NINJ2: variants seen among roughly 807,000 people sequenced by gnomAD.
NINJ2 encodes ninjurin-2.
In NINJ2, 12 loss-of-function variants were observed where a neutral mutation model predicts 11.7. The observed-to-expected ratio is 1.02, with a 90% CI of 0.66 to 1.66. The LOEUF is 1.66. NINJ2 is among the 40% of genes most tolerant of loss of function. The pLI, the probability that NINJ2 is intolerant of heterozygous loss-of-function variation, is 0.00. For missense variants in NINJ2, 187 were observed against 181.8 expected (o/e 1.03, Z -0.16); for synonymous variants, 93 against 76.8 (o/e 1.21, Z -1.10).
intron 1 of NINJ2, among the ~76,000 whole-genome samples, chr12:574,329 AAATAAT>A (rs934238213): frequency 6.6e-6 from 1 of 152,198 alleles, no homozygotes; most frequent in Non-Finnish European, 1.5e-5. Context: ...ATCTCAAAAA[AAATAAT>A]AATAATAACA....
intron 1 of NINJ2, among the ~76,000 whole-genome samples, chr12:623,428 G>A (rs571172090): frequency 6.6e-6 from 1 of 152,328 alleles, no homozygotes; most frequent in Admixed American, 6.5e-5. Context: ...TGCCCTGTCT[G>A]TTAGTGCTGT....
chr12:632,332 C>T (rs1269768826), intron 1 of NINJ2: 1 of 152,236 alleles, frequency 6.6e-6, no homozygotes, highest in Non-Finnish European at 1.5e-5. Flanking sequence ...GAAAACCAAA[C>T]ACGGTAGCCG....
chr12:613,672 G>A (rs572260921), intron 1 of NINJ2, among the ~76,000 whole-genome samples: 23 of 152,310 alleles, frequency 1.5e-4, no homozygotes, highest in Admixed American at 1.3e-4. Flanking sequence ...TTGGGAGGCT[G>A]AGGCGGGCAG....
chr12:629,896 A>AAAAAAAAAAAAAAAT, intron 1 of NINJ2, among the ~76,000 whole-genome samples: 16 of 9,896 alleles, frequency 1.6e-3, no homozygotes, highest in African/African-American at 1.9e-3. Flanking sequence ...AAAAAAAAAA[A>AAAAAAAAAAAAAAAT]ATATATATAT....
At chr12:625,084 AAG>A (rs902028515) in intron 1 of NINJ2, among the ~76,000 whole-genome samples, 1 of 148,188 alleles carries the variant, frequency 6.7e-6, no homozygotes, top group African/African-American at 2.5e-5. Flanking sequence ...CCTGGGCAAC[AAG>A]AGAGAGACTT....
intron 1 of NINJ2, among the ~76,000 whole-genome samples, chr12:602,012 C>T (rs947821013): frequency 1.1e-4 from 17 of 152,120 alleles, no homozygotes; most frequent in African/African-American, 3.1e-4. Context: ...AGTAGCAATC[C>T]CTTAATTAAA....
chr12:637,078 C>T (rs994939478), intron 1 of NINJ2, among the ~76,000 whole-genome samples: 15 of 152,226 alleles, frequency 9.9e-5, no homozygotes, highest in African/African-American at 3.4e-4. Flanking sequence ...TGGCCAGGCA[C>T]AGTGGCTCAC....
chr12:596,523 G>A (rs927340182), intron 1 of NINJ2, among the ~76,000 whole-genome samples: 8 of 152,078 alleles, frequency 5.3e-5, no homozygotes, highest in Admixed American at 1.3e-4. Context: ...TATGAATTTC[G>A]CTGTGAATTT....
At chr12:625,603 C>T (rs1458614975) in intron 1 of NINJ2, among the ~76,000 whole-genome samples, 2 of 151,766 alleles carry the variant, frequency 1.3e-5, no homozygotes, top group Non-Finnish European at 2.9e-5. Context: ...TCAACTAAGC[C>T]AAAAGGGACC....
rs570092740 is a variant in NINJ2 at position 635,872 on chromosome 12, C to G, written c.33+27456G>C. Among the ~76,000 whole-genome samples, 3 of 152,224 alleles carry G rather than the reference C, an allele frequency of 2.0e-5. No homozygotes were observed. The South Asian group carries it at 6.2e-4, about 32-fold the overall frequency. The stretch of plus-strand genomic sequence containing the variant: ...GGCAGATCATCTGAGGTCAGGAGTT[C>G]GAGACCAGCCTGGCCAACATGGTAA... On this transcript the variant is annotated intron_variant, in intron 1 of 3. Coordinates refer to ENST00000305108, the MANE Select transcript of NINJ2 (RefSeq NM_016533.6).
Position 565,111 on chromosome 12 carries a change from C to G in NINJ2, c.*18+106G>C, listed in dbSNP as rs1021054695. ...CCTTGCTCTCGGAGCTACAGGCCTT[C>G]CCCCTTTGTTTGGCAAGGGATCTGT... On this transcript the variant is annotated intron_variant, in intron 3 of 3. Transcript: ENST00000305108. 12 of 900,132 alleles carry G rather than the reference C, an allele frequency of 1.3e-5. No homozygotes were observed. In the African/African-American group the frequency reaches 1.4e-4, roughly 10 times the overall value. 55.8% of individuals were successfully genotyped at this position (900,132 alleles called of 1,614,324 possible). A position where few individuals can be genotyped will look rare whatever the true frequency, so the allele number is the denominator to read the frequency against.
At chr12:630,899 GCC>G (rs1230151113) in intron 1 of NINJ2, 2 of 152,316 alleles carry the variant, frequency 1.3e-5, no homozygotes. Flanking sequence ...TCAGCTTCAA[GCC>G]TGACGTTCTA....
chr12:583,572 C>G (rs544533470), intron 1 of NINJ2, among the ~76,000 whole-genome samples: 1 of 152,356 alleles, frequency 6.6e-6, no homozygotes, highest in Admixed American at 6.5e-5. Context: ...GGTGGGGACT[C>G]CTGAGCAGCC....
intron 1 of NINJ2, among the ~76,000 whole-genome samples, chr12:568,205 C>T (rs1947328482): frequency 1.3e-5 from 2 of 152,292 alleles, no homozygotes; most frequent in African/African-American, 4.8e-5. Flanking sequence ...GAAAGGATTA[C>T]ATAAAATTCA....
intron 1 of NINJ2, among the ~76,000 whole-genome samples, chr12:639,386 T>G (rs1948393322): frequency 6.6e-6 from 1 of 152,074 alleles, no homozygotes; most frequent in African/African-American, 2.4e-5. Flanking sequence ...TTGCCCTAGG[T>G]CAGACAGCAC....
At chr12:577,448 T>TATATACATATATATGTA in intron 1 of NINJ2, among the ~76,000 whole-genome samples, 1 of 141,942 alleles carries the variant, frequency 7.0e-6, no homozygotes, top group Non-Finnish European at 1.5e-5. Flanking sequence ...TATATAAATA[T>TATATACATATATATGTA]TTTGGCACGA....
chr12:661,653 A>G (rs1053336886), intron 1 of NINJ2, among the ~76,000 whole-genome samples: 4 of 152,230 alleles, frequency 2.6e-5, no homozygotes, highest in Non-Finnish European at 4.4e-5. Context: ...CCATCAGCAC[A>G]TAAGAAACTT....
rs1429426299 is a variant in NINJ2 at position 566,006 on chromosome 12, AGGGT to A, written c.202_205del (p.Thr68SerfsTer22). ...CTGCAGGAGCAGAGAGAGGCTGATG[AGGGT>A]GACCAGGGTGGTGTAGTAGTGAGAG... On this transcript the variant is annotated frameshift_variant, in exon 2 of 4. Coordinates refer to ENST00000305108, the MANE Select transcript of NINJ2 (RefSeq NM_016533.6). LOFTEE classifies it high-confidence loss of function. 1.2e-6 allele frequency: 2 copies of A among 1,614,212 alleles called. No homozygotes were observed. The highest frequency in any genetic ancestry group is 1.3e-5 in the African/African-American group (1 of 75,054).
At chr12:610,011 G>A (rs1948007790) in intron 1 of NINJ2, among the ~76,000 whole-genome samples, 1 of 69,690 alleles carries the variant, frequency 1.4e-5, no homozygotes, top group South Asian at 3.9e-4. Context: ...ACACATTTTT[G>A]TTGTAGCTAG....
Sources: gnomAD v4.1 joint callset for allele counts (sites outside exome capture counted in the v4.1 genomes callset) on GRCh38, gnomAD v4.1.1 for gene constraint, MANE v1.5 for transcripts, NCBI Gene and HGNC (gene_info 2026-07-23, HGNC 2026-07-21) for gene names.